Variants in NALF1 observed in about 807,000 individuals in gnomAD.
NALF1 encodes NALCN channel auxiliary factor 1.
In NALF1, 3 loss-of-function variants were observed where a neutral mutation model predicts 48.4. That is an observed-to-expected ratio of 0.06 (90% confidence interval 0.03 to 0.16). The LOEUF (loss-of-function observed/expected upper bound fraction) is 0.16, where lower values mean the gene tolerates loss of function less well. Among genes scored for constraint, NALF1 ranks in the 10% least tolerant of loss-of-function variants. The pLI is 1.00. For synonymous variants in NALF1, 262 were observed against 245.7 expected, an observed-to-expected ratio of 1.07 and a Z score of -0.62; for missense variants, 526 against 571.5, an observed-to-expected ratio of 0.92 and a Z score of 0.81.
At chr13:107,500,350 G>A (rs1037336716) in intron 1 of NALF1, among the ~76,000 whole-genome samples, 2 of 152,124 alleles carry the variant, frequency 1.3e-5, no homozygotes, top group African/African-American at 4.8e-5. Context: ...TTTGGTCTCT[G>A]CTTTTAAGAT....
intron 1 of NALF1, among the ~76,000 whole-genome samples, chr13:107,520,553 C>T (rs559596962): frequency 2.6e-5 from 4 of 152,290 alleles, no homozygotes; most frequent in South Asian, 2.1e-4. Context: ...CAGTAGCTAA[C>T]GCTTATTAAA....
chr13:107,174,343 TTTTATTTA>T (rs1218825152), intron 2 of NALF1, among the ~76,000 whole-genome samples: 20 of 96,378 alleles, frequency 2.1e-4, no homozygotes, highest in Non-Finnish European at 4.6e-4. Context: ...AAACTTTTAT[TTTTATTTA>T]TTTATTTATT....
chr13:107,164,804 A>G lies in NALF1; in HGVS notation c.*5693T>C, dbSNP rs1249524306. 2 of 152,076 alleles carry G rather than the reference A, an allele frequency of 1.3e-5. No individual in the cohort carries two copies. Among genetic ancestry groups the G allele is most frequent in the Admixed American group, 1.3e-4 (2 of 15,270 alleles). 9.4% of individuals were successfully genotyped at this position (152,076 alleles called of 1,614,324 possible). The stretch of plus-strand genomic sequence containing the variant: ...GATGTGAGGTGTTGTTAAAAAAAAA[A>G]TGTAATTAAGAGATAAGCCAAAGAA... On this transcript the variant is annotated 3_prime_UTR_variant, in exon 3 of 3. Coordinates refer to ENST00000375915, the MANE Select transcript of NALF1 (RefSeq NM_001080396.3).
chr13:107,567,355 A>T (rs1420023166), intron 1 of NALF1, among the ~76,000 whole-genome samples: 2 of 152,212 alleles, frequency 1.3e-5, no homozygotes, highest in Admixed American at 6.5e-5. Context: ...TAGCCTTTTT[A>T]AAAAATAAAA....
At chr13:107,330,560 T>G (rs1882450497) in intron 1 of NALF1, among the ~76,000 whole-genome samples, 1 of 152,230 alleles carries the variant, frequency 6.6e-6, no homozygotes, top group African/African-American at 2.4e-5. Flanking sequence ...CTGGATATTT[T>G]GGGGTTTCAC....
At chr13:107,380,896 T>A (rs1235927465) in intron 1 of NALF1, among the ~76,000 whole-genome samples, 1 of 147,672 alleles carries the variant, frequency 6.8e-6, no homozygotes, top group East Asian at 2.0e-4. Context: ...GAGAATGGCA[T>A]GAACCTGGGA....
chr13:107,645,006 T>C (rs572983140), intron 1 of NALF1, among the ~76,000 whole-genome samples: 102 of 152,278 alleles, frequency 6.7e-4, no homozygotes, highest in African/African-American at 2.3e-3. Context: ...CTTTATCTTA[T>C]TGTATAAATG....
intron 2 of NALF1, among the ~76,000 whole-genome samples, chr13:107,174,647 G>T (rs898845320): frequency 2.6e-5 from 4 of 151,980 alleles, no homozygotes; most frequent in African/African-American, 9.7e-5. Flanking sequence ...GAGCCACCGT[G>T]CCCGGCCAGG....
At chr13:107,393,669 T>C (rs142988201) in intron 1 of NALF1, among the ~76,000 whole-genome samples, 1,724 of 152,224 alleles carry the variant, frequency 0.011, 23 homozygotes, top group Non-Finnish European at 0.018. Flanking sequence ...AGGGTAGGGA[T>C]TATGTTAATG....
chr13:107,402,275 C>A (rs1446477909), intron 1 of NALF1, among the ~76,000 whole-genome samples: 2 of 152,182 alleles, frequency 1.3e-5, no homozygotes, highest in African/African-American at 4.8e-5. Context: ...TAACAGGCAG[C>A]AAACAACTGA....
chr13:107,425,050 G>A (rs1268614699), intron 1 of NALF1, among the ~76,000 whole-genome samples: 2 of 152,034 alleles, frequency 1.3e-5, no homozygotes, highest in African/African-American at 2.4e-5. Context: ...GACAAACCAC[G>A]TCTTCTCTAG....
chr13:107,446,069 G>A (rs1235063156), intron 1 of NALF1, among the ~76,000 whole-genome samples: 1 of 151,956 alleles, frequency 6.6e-6, no homozygotes, highest in East Asian at 1.9e-4. Context: ...CTCCCGAGTA[G>A]TTGGGACCAC....
Position 107,631,179 on chromosome 13 carries a change from A to G in NALF1, c.915+234503T>C, listed in dbSNP as rs903956960. On this transcript the variant is annotated intron_variant, in intron 1 of 2. Transcript: ENST00000375915. Reference sequence around the variant, plus strand: ...ACCTGGCTAATGTTTTTCATTTTTAATAGAGAAGAGGTCCCACTTTGTTGC... The same window carrying G: ...ACCTGGCTAATGTTTTTCATTTTTAGTAGAGAAGAGGTCCCACTTTGTTGC... Among the ~76,000 whole-genome samples, 6 of 152,018 alleles carry G rather than the reference A, an allele frequency of 3.9e-5. No homozygotes were observed. In the South Asian group the frequency reaches 1.2e-3, roughly 32 times the overall value.
chr13:107,635,817 G>A (rs183342445), intron 1 of NALF1, among the ~76,000 whole-genome samples: 99 of 152,206 alleles, frequency 6.5e-4, no homozygotes, highest in African/African-American at 2.2e-3. Flanking sequence ...CCTACTAGTT[G>A]CACAGTTAAT....
intron 1 of NALF1, among the ~76,000 whole-genome samples, chr13:107,372,370 T>A (rs9555355): frequency 6.6e-6 from 1 of 152,060 alleles, no homozygotes; most frequent in African/African-American, 2.4e-5. Flanking sequence ...ATGGGACAAA[T>A]GACATGCCAG....
chr13:107,842,926 C>G (rs551637438), intron 1 of NALF1, among the ~76,000 whole-genome samples: 108 of 152,186 alleles, frequency 7.1e-4, no homozygotes, highest in Non-Finnish European at 1.4e-3. Flanking sequence ...CCCCCTTCCC[C>G]AAGAAACTGA....
chr13:107,724,636 A>G (rs1055241126), intron 1 of NALF1, among the ~76,000 whole-genome samples: 32 of 149,516 alleles, frequency 2.1e-4, no homozygotes, highest in African/African-American at 7.9e-4. Flanking sequence ...ATCTCGGGTC[A>G]CTGCAGCCTT....
intron 1 of NALF1, among the ~76,000 whole-genome samples, chr13:107,406,777 T>C (rs1594045619): frequency 6.6e-6 from 1 of 151,716 alleles, no homozygotes. Flanking sequence ...TCCAAAAATG[T>C]ATACGAAATC....
At chr13:107,805,755 T>C (rs1594280266) in intron 1 of NALF1, among the ~76,000 whole-genome samples, 2 of 152,296 alleles carry the variant, frequency 1.3e-5, no homozygotes, top group East Asian at 3.9e-4. Flanking sequence ...TTCTACAATC[T>C]TGGAAGTCTT....
Sources: allele counts gnomAD v4.1 joint callset (sites outside exome capture counted in the v4.1 genomes callset), GRCh38; gene constraint gnomAD v4.1.1; transcripts MANE v1.5; gene names NCBI Gene and HGNC (gene_info 2026-07-23, HGNC 2026-07-21).